The following TDRD12 variants were observed in gnomAD, a reference collection of about 807,000 sequenced individuals.
TDRD12 encodes the protein putative ATP-dependent RNA helicase TDRD12.
TDRD12 carries 158 observed loss-of-function variants against 133.5 expected under a neutral mutation model. The ratio of observed to expected loss-of-function variants is 1.18; its 90% CI spans 1.04 to 1.35. The LOEUF (loss-of-function observed/expected upper bound fraction) is 1.35. TDRD12 is among the 40% of genes most tolerant of loss of function. TDRD12 has a pLI of 0.00. For synonymous variants in TDRD12, 460 were observed against 477.9 expected (o/e 0.96, Z 0.49); for missense variants, 1,443 against 1,321.3 (o/e 1.09, Z -1.43).
At chr19:32,731,576 ATCTTCGG>A (rs1969055590) in intron 1 of TDRD12, 142 bp from the exon 2 acceptor site, 1 of 675,172 alleles carries the variant, frequency 1.5e-6, no homozygotes, top group Non-Finnish European at 2.4e-6. Context: ...TTAGAATTTT[ATCTTCGG>A]TCTAACCATT....
rs768068404 is a variant in TDRD12, at chr19:32,757,050, TA to T, written c.788del (p.Asn263IlefsTer30). 5.2e-6 allele frequency: 8 copies of T among 1,551,778 alleles called. No homozygotes were observed. The highest frequency in any genetic ancestry group is 7.0e-6 in the Non-Finnish European group (8 of 1,146,958). On this transcript the variant is annotated frameshift_variant, in exon 8 of 28. Transcript: ENST00000444215. LOFTEE classifies it high-confidence loss of function. The stretch of plus-strand genomic sequence containing the variant: ...TTCTTTCTATCAGATTCACATGGTG[TA>T]AATTTTCCGGCACAATCTCTGCAAC...
At position 32,757,456 on chromosome 19, in the gene TDRD12, G is replaced by A. The variant is rs375337588; in HGVS notation, c.865+326G>A. ...TATTGATTTTTCACTTAGGCAACAG[G>A]ATGCATAAAAATAGGGAAGACATGC... is the stretch of plus-strand genomic sequence containing the variant. On this transcript the variant is annotated intron_variant, in intron 8 of 27. Coordinates refer to ENST00000444215, the Ensembl canonical transcript of TDRD12. Among the ~76,000 whole-genome samples, 4 of 152,298 alleles carry A rather than the reference G, an allele frequency of 2.6e-5. No homozygotes were observed. The South Asian group carries it at 8.3e-4, about 32-fold the overall frequency.
intron 11 of TDRD12, among the ~76,000 whole-genome samples, chr19:32,789,300 A>G (rs1445149815): frequency 6.6e-6 from 1 of 152,170 alleles, no homozygotes; most frequent in Non-Finnish European, 1.5e-5. Context: ...TTGTCTCTAA[A>G]ACATAGCTTT....
chr19:32,796,691 T>C lies in TDRD12; in HGVS notation c.1474-1044T>C, dbSNP rs146006540. Among the ~76,000 whole-genome samples, 429 of 152,228 alleles carry C rather than the reference T, an allele frequency of 2.8e-3. 1 individual carries two copies. Among genetic ancestry groups the C allele is most frequent in the African/African-American group, 9.5e-3 (395 of 41,534 alleles). ...TAGCAGCAGACTAATGAGAAGCAAC[T>C]GATGAGAAGTCGCTTATATTGAGGC... is the stretch of plus-strand genomic sequence containing the variant. On this transcript the variant is annotated intron_variant, in intron 14 of 27. Coordinates refer to ENST00000444215, the Ensembl canonical transcript of TDRD12.
In TDRD12 at chr19:32,773,814, C is replaced by T. The variant is rs144096839; in HGVS notation, c.1040+282C>T. ...AAAATAGTCCATTTTCAAAGAGTGG[C>T]CCAGGAAATTTTGGTTAAACATATT... On this transcript the variant is annotated intron_variant, in intron 10 of 27. Transcript: ENST00000444215. 2.6e-3 allele frequency among the ~76,000 whole-genome samples: 393 copies of T among 152,258 alleles called. 2 individuals carry two copies. The highest frequency in any genetic ancestry group is 9.0e-3 in the African/African-American group (375 of 41,554).
intron 1 of TDRD12, among the ~76,000 whole-genome samples, chr19:32,725,419 A>G (rs1032516614): frequency 6.6e-6 from 1 of 152,010 alleles, no homozygotes; most frequent in Non-Finnish European, 1.5e-5. Context: ...GTCCAGTTTC[A>G]GTTTTCTGCA....
At chr19:32,825,411 G>A (rs1043817222), downstream of TDRD12, among the ~76,000 whole-genome samples, 1 of 152,128 alleles carries the variant, frequency 6.6e-6, no homozygotes, top group Non-Finnish European at 1.5e-5. The surrounding 1 kb of genome is among the most constrained non-coding windows in gnomAD (Gnocchi z 4.1). Context: ...TCCAGCACTG[G>A]CTCCTCGTGC....
At chr19:32,804,775 G>C (rs1322007405) in intron 21 of TDRD12, among the ~76,000 whole-genome samples, 1 of 151,682 alleles carries the variant, frequency 6.6e-6, no homozygotes, top group African/African-American at 2.4e-5. Context: ...AGAATCAATT[G>C]AACCTGGGAA....
At chr19:32,794,709 G>C (rs1971174115) in exon 14 of TDRD12, 2 of 703,208 alleles carry the variant, frequency 2.8e-6, no homozygotes, top group Middle Eastern at 2.3e-4. Flanking sequence ...CTGTGATGTG[G>C]TTGTCATTTC....
intron 1 of TDRD12, among the ~76,000 whole-genome samples, chr19:32,727,409 C>T (rs79245422): frequency 0.01 from 1,537 of 152,218 alleles, 26 homozygotes; most frequent in African/African-American, 0.035. Flanking sequence ...TCCCCCATTC[C>T]ATAAGTTGAC....
At chr19:32,754,138 A>G (rs993418493) in intron 6 of TDRD12, among the ~76,000 whole-genome samples, 3 of 152,102 alleles carry the variant, frequency 2.0e-5, no homozygotes, top group African/African-American at 4.8e-5. Flanking sequence ...CATTTTACCT[A>G]TGACTTTTCA....
At chr19:32,813,996 C>A (rs944823548) in intron 25 of TDRD12, among the ~76,000 whole-genome samples, 2 of 152,206 alleles carry the variant, frequency 1.3e-5, no homozygotes, top group African/African-American at 4.8e-5. Flanking sequence ...CCAGCGCACA[C>A]GTGCATTGTG....
chr19:32,754,707 G>A (rs932137074), intron 6 of TDRD12, among the ~76,000 whole-genome samples: 5 of 111,530 alleles, frequency 4.5e-5, no homozygotes, highest in African/African-American at 7.2e-5. Context: ...ATGGAGTTTC[G>A]CTCTTGTTGC....
chr19:32,761,223 C>G lies in TDRD12; in HGVS notation c.865+4093C>G, dbSNP rs141991729. Among the ~76,000 whole-genome samples, 1,101 of 152,346 alleles carry G rather than the reference C, an allele frequency of 7.2e-3. 18 individuals carry two copies. The highest frequency in any genetic ancestry group is 0.025 in the African/African-American group (1,043 of 41,578). On this transcript the variant is annotated intron_variant, in intron 8 of 27. Coordinates refer to ENST00000444215, the Ensembl canonical transcript of TDRD12. Reference sequence around the variant, plus strand: ...CTCCACCTCCCAGGTTCACACTATTCTCCTGCCTCAGCCTCCCAAGTAGCT... The same window carrying G: ...CTCCACCTCCCAGGTTCACACTATTGTCCTGCCTCAGCCTCCCAAGTAGCT...
chr19:32,783,889 G>T (rs1401943172), intron 11 of TDRD12, among the ~76,000 whole-genome samples: 1 of 152,126 alleles, frequency 6.6e-6, no homozygotes, highest in Non-Finnish European at 1.5e-5. Context: ...TTCTAAATAT[G>T]CAATCATGTC....
At chr19:32,818,005 C>T (rs151327084) in intron 26 of TDRD12, 84 bp from the exon 27 acceptor site, 9 of 698,516 alleles carry the variant, frequency 1.3e-5, no homozygotes, top group Non-Finnish European at 2.1e-5. Flanking sequence ...CCATGCACTC[C>T]AAGCTCTGTC....
rs1174511288 is a variant in TDRD12 at position 32,756,280 on chromosome 19, A to C, written c.772+99A>C. ...TACAGACTTTTCCCCACATGGAGACAAAGACTTGGACTCTGTTTAAAGTTT... is the reference window on the plus strand; with the variant it reads ...TACAGACTTTTCCCCACATGGAGACCAAGACTTGGACTCTGTTTAAAGTTT... On this transcript the variant is annotated intron_variant, in intron 7 of 27. Transcript: ENST00000444215. The C allele has an allele frequency of 5.8e-6, 6 of 1,026,220 alleles. No homozygotes were observed. In the African/African-American group the frequency reaches 8.5e-5, roughly 15 times the overall value. The allele number at this position is 1,026,220 out of a possible 1,614,324, so 63.6% of individuals were successfully genotyped here. A position where few individuals can be genotyped will look rare whatever the true frequency, so the allele number is the denominator to read the frequency against.
chr19:32,817,954 A>C, intron 26 of TDRD12, 135 bp from the exon 27 acceptor site: 1 of 666,542 alleles, frequency 1.5e-6, no homozygotes, highest in Non-Finnish European at 2.7e-6. Context: ...TAGCTTTAGA[A>C]GCAGGCCTCT....
At chr19:32,818,397 C>A (rs993837755) in intron 27 of TDRD12, among the ~76,000 whole-genome samples, 1 of 152,138 alleles carries the variant, frequency 6.6e-6, no homozygotes, top group African/African-American at 2.4e-5. Flanking sequence ...TCTTGCTCCA[C>A]AGAGGCAGGA....
Sources: allele counts gnomAD v4.1 joint callset (sites outside exome capture counted in the v4.1 genomes callset), GRCh38; gene constraint gnomAD v4.1.1; non-coding constraint Gnocchi (gnomAD v3.1); transcripts MANE v1.5; gene names NCBI Gene and HGNC (gene_info 2026-07-23, HGNC 2026-07-21).